The following EBF1 variants were observed in gnomAD, a reference collection of about 807,000 sequenced individuals.
The protein encoded by EBF1 is EBF transcription factor 1, also known as transcription factor COE1.
In EBF1, 10 loss-of-function variants were observed where a neutral mutation model predicts 68.4. That is an observed-to-expected ratio of 0.15 (90% CI 0.09 to 0.25). The LOEUF (loss-of-function observed/expected upper bound fraction) is 0.25. Ranked by LOEUF, EBF1 falls within the 10% of genes least tolerant of loss-of-function variation. The pLI is 1.00. For synonymous variants in EBF1, 298 were observed against 299.8 expected, an observed-to-expected ratio of 0.99 and a Z score of 0.06; for missense variants, 509 against 794.4, an observed-to-expected ratio of 0.64 and a Z score of 4.32.
chr5:158,782,608 T>C (rs1776652299), intron 9 of EBF1, among the ~76,000 whole-genome samples: 1 of 152,062 alleles, frequency 6.6e-6, no homozygotes, highest in African/African-American at 2.4e-5. Flanking sequence ...TTGCAGTAAG[T>C]CGTGATTGTG....
intron 6 of EBF1, among the ~76,000 whole-genome samples, chr5:158,906,058 G>A (rs184342658): frequency 2.0e-5 from 3 of 152,200 alleles, no homozygotes; most frequent in East Asian, 1.9e-4. Flanking sequence ...GCAGAGAAAT[G>A]TTGCCACCAA....
At chr5:158,926,134 C>A (rs999211761) in intron 6 of EBF1, among the ~76,000 whole-genome samples, 3 of 152,132 alleles carry the variant, frequency 2.0e-5, no homozygotes, top group Non-Finnish European at 4.4e-5. Context: ...TATTTCTAAA[C>A]CCCCAAAAAT....
intron 6 of EBF1, among the ~76,000 whole-genome samples, chr5:159,058,647 C>A (rs957260484): frequency 1.3e-5 from 2 of 152,204 alleles, no homozygotes; most frequent in African/African-American, 4.8e-5. Flanking sequence ...GGAACTGCCT[C>A]ATTTGGTTTT....
chr5:158,796,554 G>C, intron 8 of EBF1, 79 bp from the exon 9 acceptor site: 1 of 1,389,904 alleles, frequency 7.2e-7, no homozygotes. Context: ...TGAGAAAAAG[G>C]AAAAAAAAAA....
intron 10 of EBF1, among the ~76,000 whole-genome samples, chr5:158,757,511 G>T (rs1428334540): frequency 6.6e-6 from 1 of 152,168 alleles, no homozygotes; most frequent in Non-Finnish European, 1.5e-5. Flanking sequence ...CTAACATACT[G>T]AGGATGATTA....
intron 8 of EBF1, among the ~76,000 whole-genome samples, chr5:158,799,728 C>T (rs1286230079): frequency 6.6e-6 from 1 of 152,110 alleles, no homozygotes; most frequent in African/African-American, 2.4e-5. Context: ...ATTGCACGTG[C>T]CCCAGGGAAA....
chr5:158,997,085 A>G (rs1761564807), intron 6 of EBF1, among the ~76,000 whole-genome samples: 1 of 152,108 alleles, frequency 6.6e-6, no homozygotes, highest in Non-Finnish European at 1.5e-5. Flanking sequence ...CATCCTCCAC[A>G]AAAGCCCTTT....
intron 10 of EBF1, among the ~76,000 whole-genome samples, chr5:158,765,990 A>G (rs1345090721): frequency 6.6e-6 from 1 of 152,204 alleles, no homozygotes; most frequent in East Asian, 1.9e-4. Context: ...CTCATTAAAT[A>G]TTTGAGTATT....
chr5:158,876,692 T>C (rs1044906229), intron 6 of EBF1, among the ~76,000 whole-genome samples: 1 of 152,214 alleles, frequency 6.6e-6, no homozygotes, highest in African/African-American at 2.4e-5. Flanking sequence ...TTTGGAGGCA[T>C]GAAAATACCT....
chr5:159,051,437 A>AC (rs936044797), intron 6 of EBF1, among the ~76,000 whole-genome samples: 2 of 29,466 alleles, frequency 6.8e-5, no homozygotes, highest in South Asian at 1.4e-3. Context: ...GCAGCCCCCC[A>AC]CCCCCCCACC....
intron 2 of EBF1, among the ~76,000 whole-genome samples, 200 bp downstream of exon 2, chr5:159,096,774 C>A (rs1352601909): frequency 6.6e-6 from 1 of 152,066 alleles, no homozygotes; most frequent in Non-Finnish European, 1.5e-5. Context: ...GCTCTGGGGG[C>A]TCCGTGCGAA....
At chr5:158,713,361 G>C (rs187382921) in intron 12 of EBF1, among the ~76,000 whole-genome samples, 1 of 152,136 alleles carries the variant, frequency 6.6e-6, no homozygotes, top group East Asian at 1.9e-4. Context: ...AAACCTCACC[G>C]AAGTACACTC....
chr5:158,916,903 T>C (rs1054878168), intron 6 of EBF1, among the ~76,000 whole-genome samples: 3 of 152,204 alleles, frequency 2.0e-5, no homozygotes, highest in African/African-American at 7.2e-5. Context: ...TCATAAACAT[T>C]GTCTTTCCTT....
chr5:158,800,047 G>A (rs1780308807), intron 8 of EBF1, among the ~76,000 whole-genome samples: 1 of 152,096 alleles, frequency 6.6e-6, no homozygotes, highest in Non-Finnish European at 1.5e-5. Flanking sequence ...GTACCCAAAT[G>A]TTCATTGCGG....
intron 7 of EBF1, among the ~76,000 whole-genome samples, chr5:158,828,401 A>G (rs1202510215): frequency 6.6e-6 from 1 of 152,184 alleles, no homozygotes; most frequent in African/African-American, 2.4e-5. Context: ...CTCTAATCCA[A>G]TCCTCACAGG....
intron 6 of EBF1, among the ~76,000 whole-genome samples, chr5:158,974,228 C>T (rs1756246872): frequency 1.3e-5 from 2 of 152,204 alleles, no homozygotes; most frequent in Admixed American, 1.3e-4. Context: ...GTTCAGAGAA[C>T]CCAATATAAT....
At chr5:158,978,624 CAT>C (rs1561689107) in intron 6 of EBF1, among the ~76,000 whole-genome samples, 1 of 75,222 alleles carries the variant, frequency 1.3e-5, no homozygotes, top group Non-Finnish European at 2.7e-5. Context: ...ACAGTGACAT[CAT>C]TTTTTTTTTT....
intron 6 of EBF1, among the ~76,000 whole-genome samples, chr5:158,897,209 C>T (rs893288956): frequency 5.9e-5 from 9 of 152,160 alleles, no homozygotes; most frequent in Non-Finnish European, 1.3e-4. Context: ...AAATGTGGTA[C>T]ATACACACCA....
At chr5:158,888,366 TATTATGGCTAATA>T (rs1442005143) in intron 6 of EBF1, among the ~76,000 whole-genome samples, 1 of 152,174 alleles carries the variant, frequency 6.6e-6, no homozygotes, top group East Asian at 1.9e-4. Context: ...GGCTAGCATG[TATTATGGCTAATA>T]AAATGTAACT....
Sources: allele counts gnomAD v4.1 joint callset (sites outside exome capture counted in the v4.1 genomes callset), GRCh38; gene constraint gnomAD v4.1.1; transcripts MANE v1.5; gene names NCBI Gene and HGNC (gene_info 2026-07-23, HGNC 2026-07-21).